The following TLN2 variants were observed in gnomAD, a reference collection of about 807,000 sequenced individuals.
TLN2 encodes talin 2.
TLN2 carries 118 observed loss-of-function variants against 294.7 expected under a neutral mutation model. That is an observed-to-expected ratio of 0.40 (90% CI 0.34 to 0.47). The LOEUF is 0.47. Ranked by LOEUF, TLN2 falls within the 20% of genes least tolerant of loss-of-function variation. TLN2 has a pLI of 0.84. For missense variants in TLN2, 3,083 were observed against 3,282.2 expected, an observed-to-expected ratio of 0.94 and a Z score of 1.48; for synonymous variants, 1,431 against 1,304.5, an observed-to-expected ratio of 1.10 and a Z score of -2.09.
chr15:62,840,423 T>G, intron 58 of TLN2, 59 bp from the exon 59 acceptor site: 1 of 1,594,642 alleles, frequency 6.3e-7, no homozygotes, highest in Non-Finnish European at 8.6e-7. Flanking sequence ...AGCAGTGGGG[T>G]GGGTCGGAGG....
Position 62,686,622 on chromosome 15 carries a change from T to C in TLN2, c.958-19T>C. 1 of 1,604,224 alleles carries C rather than the reference T, an allele frequency of 6.2e-7. No individual in the cohort carries two copies. The highest frequency in any genetic ancestry group is 8.5e-7 in the Non-Finnish European group (1 of 1,174,938). ...GTATTCAGAAGAAGAGCACTGACTC[T>C]TGGTATCTCCTGTTTCAGGAGAAGA... On this transcript the variant is annotated intron_variant, in intron 11 of 58. Transcript: ENST00000636159.
intron 1 of TLN2, among the ~76,000 whole-genome samples, chr15:62,453,434 T>A (rs1011342339): frequency 3.3e-5 from 5 of 152,150 alleles, no homozygotes; most frequent in African/African-American, 1.2e-4. Context: ...AGGCCCTTTC[T>A]TCCTTTGCAG....
intron 1 of TLN2, among the ~76,000 whole-genome samples, chr15:62,579,505 G>C (rs1596221724): frequency 1.3e-5 from 2 of 152,142 alleles, no homozygotes; most frequent in East Asian, 3.9e-4. Flanking sequence ...CTTATCTTAG[G>C]TTGCTGGGGG....
chr15:62,472,716 T>C (rs2037550771), intron 1 of TLN2, among the ~76,000 whole-genome samples: 1 of 152,152 alleles, frequency 6.6e-6, no homozygotes, highest in Non-Finnish European at 1.5e-5. Context: ...ATAGTAGTGG[T>C]GAGTGTGGGA....
rs377627910 is a variant in TLN2 at position 62,825,782 on chromosome 15, TTA to T, written c.7002+5178_7002+5179del. 1.9e-3 allele frequency among the ~76,000 whole-genome samples: 35 copies of T among 18,036 alleles called. 1 individual carries two copies. The highest frequency in any genetic ancestry group is 2.3e-3 in the Non-Finnish European group (18 of 7,792). The allele number at this position is 18,036 out of a possible 152,430, so 11.8% of individuals were successfully genotyped here. A position where few individuals can be genotyped will look rare whatever the true frequency, so the allele number is the denominator to read the frequency against. ...TTATAATTATATATTATATAATATA[TTA>T]TATATTATAATATATATTATATATT... On this transcript the variant is annotated intron_variant, in intron 54 of 58. Transcript: ENST00000636159.
chr15:62,445,329 C>T (rs1378612006), intron 1 of TLN2, among the ~76,000 whole-genome samples: 1 of 152,096 alleles, frequency 6.6e-6, no homozygotes. Flanking sequence ...TTCTCCTGCC[C>T]CCAAGCAACT....
chr15:62,630,216 C>T (rs1475674334), intron 3 of TLN2, among the ~76,000 whole-genome samples: 1 of 152,116 alleles, frequency 6.6e-6, no homozygotes, highest in East Asian at 1.9e-4. Flanking sequence ...GAGGACAGGT[C>T]ATTTAGGTAA....
At chr15:62,708,359 GGTAAGTAAGAAACCGAGCAGTGGTCCT>G (rs1284321861) in intron 20 of TLN2, 116 bp from the exon 21 acceptor site, 41 of 768,238 alleles carry the variant, frequency 5.3e-5, no homozygotes, top group Non-Finnish European at 7.8e-5. Context: ...GAAATGGTCA[GGTAAGTAAGAAACCGAGCAGTGGTCCT>G]GTAAGTAAGA....
intron 1 of TLN2, among the ~76,000 whole-genome samples, chr15:62,564,925 A>AAATATATATATATAT (rs759679956): frequency 5.0e-5 from 4 of 80,630 alleles, no homozygotes; most frequent in African/African-American, 1.9e-4. Flanking sequence ...AAAAAAAAAA[A>AAATATATATATATAT]ATATATATAT....
chr15:62,752,024 C>T (rs2061968843), intron 34 of TLN2, among the ~76,000 whole-genome samples: 1 of 152,288 alleles, frequency 6.6e-6, no homozygotes, highest in East Asian at 1.9e-4. Context: ...ACCATTCACC[C>T]ATGAGTTGCC....
chr15:62,594,547 C>G (rs546391621), intron 2 of TLN2, among the ~76,000 whole-genome samples: 1 of 152,264 alleles, frequency 6.6e-6, no homozygotes, highest in South Asian at 2.1e-4. Flanking sequence ...ACCAAGAACA[C>G]ACAATGGGGA....
At chr15:62,807,799 T>G (rs2066397874) in intron 51 of TLN2, among the ~76,000 whole-genome samples, 1 of 152,164 alleles carries the variant, frequency 6.6e-6, no homozygotes, top group Non-Finnish European at 1.5e-5. Context: ...AATGTCAGCT[T>G]CACACACCAA....
At chr15:62,675,413 C>A in intron 11 of TLN2, 92 bp downstream of exon 11, 1 of 1,305,870 alleles carries the variant, frequency 7.7e-7, no homozygotes, top group Non-Finnish European at 1.1e-6. Flanking sequence ...TTGTCCTGCT[C>A]ACCCCCCTAG....
rs796948543 is a variant in TLN2, at chr15:62,573,547, T to G, written c.-237-16140T>G. Among the ~76,000 whole-genome samples the G allele has an allele frequency of 1.1e-4, 17 of 152,196 alleles. 1 individual carries two copies. Among genetic ancestry groups the G allele is most frequent in the African/African-American group, 4.1e-4 (17 of 41,526 alleles). ...TTCATAGAGAACCCTCCTTCTATCT[T>G]GCATGCATGACAGGGGTCCCGTGGG... On this transcript the variant is annotated intron_variant, in intron 1 of 58. Transcript: ENST00000636159.
intron 1 of TLN2, among the ~76,000 whole-genome samples, chr15:62,473,502 G>C (rs757402006): frequency 2.0e-5 from 3 of 152,098 alleles, no homozygotes; most frequent in Non-Finnish European, 2.9e-5. Flanking sequence ...ACTGATCTTT[G>C]CTTTTCGTAG....
rs182225725 is a variant in TLN2, at chr15:62,708,583, A to C, written c.2254A>C (p.Asn752His). Reference sequence around the variant, plus strand: ...GAAGCTGGTGGACCGCTCGGTGGAGAACTGTGTCCGTGCCTGCCAGGCGGC... The same window carrying C: ...GAAGCTGGTGGACCGCTCGGTGGAGCACTGTGTCCGTGCCTGCCAGGCGGC... ...AGKLVDRSVE[N>H]CVRACQAATT... The change falls in exon 21 of 59, where the codon AAC (asparagine) becomes CAC (histidine). Residue 752 changes from asparagine (N) to histidine (H), a missense_variant. By Grantham distance (68) the Asn-to-His change is moderately conservative (BLOSUM62 1). Coordinates refer to ENST00000636159, the MANE Select transcript of TLN2 (RefSeq NM_015059.3). The C allele has an allele frequency of 3.1e-6, 5 of 1,613,950 alleles. No individual in the cohort carries two copies. Among genetic ancestry groups the C allele is most frequent in the Non-Finnish European group, 4.2e-6 (5 of 1,179,972 alleles).
intron 1 of TLN2, among the ~76,000 whole-genome samples, chr15:62,484,671 C>T (rs572801681): frequency 2.6e-5 from 4 of 152,176 alleles, no homozygotes; most frequent in East Asian, 1.9e-4. Flanking sequence ...ATGATCCACC[C>T]GCCTCAGCCT....
At chr15:62,495,957 A>G (rs1054536243) in intron 1 of TLN2, among the ~76,000 whole-genome samples, 16 of 152,060 alleles carry the variant, frequency 1.1e-4, no homozygotes, top group Admixed American at 9.8e-4. Flanking sequence ...AAAAAAAAAA[A>G]ACAAAAACCA....
intron 1 of TLN2, among the ~76,000 whole-genome samples, chr15:62,555,033 A>G (rs2042531646): frequency 6.6e-6 from 1 of 150,630 alleles, no homozygotes; most frequent in South Asian, 2.1e-4. Context: ...AGGAATTAGG[A>G]GATTTCTTCC....
Sources: gnomAD v4.1 joint callset for allele counts (sites outside exome capture counted in the v4.1 genomes callset) on GRCh38, gnomAD v4.1.1 for gene constraint, MANE v1.5 for transcripts, NCBI Gene and HGNC (gene_info 2026-07-23, HGNC 2026-07-21) for gene names.